Variants in SH3BGRL2 observed in about 807,000 individuals in gnomAD.
SH3BGRL2 encodes SH3 domain binding glutamate rich protein like 2, also known as SH3 domain-binding glutamic acid-rich-like protein 2.
Under a neutral mutation model 14.8 loss-of-function variants are expected in SH3BGRL2, and 21 were observed. The ratio of observed to expected loss-of-function variants is 1.42; its 90% CI spans 1.01 to 2.05. SH3BGRL2 has a LOEUF of 2.05. Among genes scored for constraint, SH3BGRL2 ranks in the 30% most tolerant of loss-of-function variants. SH3BGRL2 has a pLI of 0.00. For synonymous variants in SH3BGRL2, 50 were observed against 47.8 expected (o/e 1.05, Z -0.19); for missense variants, 147 against 130.8 (o/e 1.12, Z -0.61).
At chr6:79,635,479 G>A (rs2127722350) in intron 1 of SH3BGRL2, among the ~76,000 whole-genome samples, 1 of 152,342 alleles carries the variant, frequency 6.6e-6, no homozygotes, top group South Asian at 2.1e-4. Flanking sequence ...CCCAGGTTCT[G>A]TATTAGGTGA....
chr6:79,676,605 A>ATG (rs58234438), intron 2 of SH3BGRL2, among the ~76,000 whole-genome samples: 3,548 of 139,668 alleles, frequency 0.025, 58 homozygotes, highest in African/African-American at 0.038. Flanking sequence ...GTCTTTATGT[A>ATG]TGTGTGTGTG....
At chr6:79,624,215 C>CT in the SH3BGRL2 span, among the ~76,000 whole-genome samples, 1 of 151,248 alleles carries the variant, frequency 6.6e-6, no homozygotes, top group South Asian at 2.1e-4. Flanking sequence ...GTGTTGTCAT[C>CT]TCCTGACCTG....
chr6:79,573,934 G>A, the SH3BGRL2 span: 1 of 151,956 alleles, frequency 6.6e-6, no homozygotes, highest in East Asian at 1.9e-4. Flanking sequence ...TTTTATTTGT[G>A]TATTTCCTCT....
At chr6:79,631,714 A>G (rs1768829864) in intron 1 of SH3BGRL2, among the ~76,000 whole-genome samples, 1 of 152,158 alleles carries the variant, frequency 6.6e-6, no homozygotes, top group South Asian at 2.1e-4. Flanking sequence ...CCAAATGCCC[A>G]CCCTGCGTGG....
At chr6:79,591,117 T>G in the SH3BGRL2 span, among the ~76,000 whole-genome samples, 1 of 152,174 alleles carries the variant, frequency 6.6e-6, no homozygotes, top group African/African-American at 2.4e-5. Context: ...ATTACAAAGA[T>G]AGTTCTATAT....
At chr6:79,589,286 C>T in the SH3BGRL2 span, among the ~76,000 whole-genome samples, 1 of 149,104 alleles carries the variant, frequency 6.7e-6, no homozygotes, top group African/African-American at 2.5e-5. Context: ...TAATTGATTC[C>T]AAAACAGAAA....
intron 1 of SH3BGRL2, among the ~76,000 whole-genome samples, chr6:79,667,192 A>G (rs1769677895): frequency 2.6e-5 from 4 of 152,248 alleles, no homozygotes. Context: ...ATAGTCACAA[A>G]GAATTTATGT....
chr6:79,576,774 T>C, the SH3BGRL2 span, among the ~76,000 whole-genome samples: 1 of 152,202 alleles, frequency 6.6e-6, no homozygotes, highest in Non-Finnish European at 1.5e-5. Context: ...AAATGTTTCT[T>C]TGATGCCCCT....
At chr6:79,637,941 A>C (rs140753711) in intron 1 of SH3BGRL2, among the ~76,000 whole-genome samples, 1 of 152,228 alleles carries the variant, frequency 6.6e-6, no homozygotes, top group South Asian at 2.1e-4. Context: ...TTTACCCATT[A>C]TAAGTAGCAT....
At chr6:79,547,881 T>C in the SH3BGRL2 span, among the ~76,000 whole-genome samples, 1 of 152,168 alleles carries the variant, frequency 6.6e-6, no homozygotes, top group Non-Finnish European at 1.5e-5. Flanking sequence ...ATTACTATTT[T>C]TTGAGACAGA....
At chr6:79,569,255 A>T in the SH3BGRL2 span, among the ~76,000 whole-genome samples, 1 of 152,202 alleles carries the variant, frequency 6.6e-6, no homozygotes, top group Non-Finnish European at 1.5e-5. Context: ...TGGAATGAAT[A>T]GAAGGGAGTG....
chr6:79,694,708 GA>G (rs892520182), intron 2 of SH3BGRL2, among the ~76,000 whole-genome samples: 1 of 152,034 alleles, frequency 6.6e-6, no homozygotes, highest in African/African-American at 2.4e-5. Context: ...CATCAAGCCA[GA>G]AAGTTCAGAG....
intron 2 of SH3BGRL2, among the ~76,000 whole-genome samples, chr6:79,674,608 A>C: frequency 6.6e-6 from 1 of 152,222 alleles, no homozygotes; most frequent in East Asian, 1.9e-4. Context: ...GAGATTAAAT[A>C]AATAGCTAGG....
chr6:79,651,850 G>T (rs1025690492), intron 1 of SH3BGRL2, among the ~76,000 whole-genome samples: 1 of 152,170 alleles, frequency 6.6e-6, no homozygotes, highest in African/African-American at 2.4e-5. Context: ...GAGGGCAGTG[G>T]TTAGATAAAT....
At chr6:79,674,391 A>G (rs1176517846) in intron 2 of SH3BGRL2, among the ~76,000 whole-genome samples, 1 of 152,170 alleles carries the variant, frequency 6.6e-6, no homozygotes, top group Admixed American at 6.5e-5. Flanking sequence ...AGCATACGAG[A>G]AGATGAAAAA....
intron 2 of SH3BGRL2, among the ~76,000 whole-genome samples, chr6:79,689,377 A>T (rs180954088): frequency 4.6e-5 from 7 of 152,184 alleles, no homozygotes; most frequent in Non-Finnish European, 4.4e-5. Context: ...CTTAAGAGAA[A>T]TTTTTCTTTT....
At chr6:79,555,537 A>G in the SH3BGRL2 span, among the ~76,000 whole-genome samples, 1 of 152,192 alleles carries the variant, frequency 6.6e-6, no homozygotes, top group Non-Finnish European at 1.5e-5. Context: ...TTTGAGGCGG[A>G]GTCTCAATCT....
the SH3BGRL2 span, among the ~76,000 whole-genome samples, chr6:79,584,563 C>T: frequency 1.3e-5 from 2 of 152,066 alleles, no homozygotes. Context: ...GAAAATGACC[C>T]CTTATTTTCT....
the SH3BGRL2 span, among the ~76,000 whole-genome samples, chr6:79,556,089 C>CGT: frequency 4.6e-5 from 7 of 151,980 alleles, no homozygotes; most frequent in East Asian, 1.4e-3. Flanking sequence ...AAATTCAAAA[C>CGT]AAAAAGGAAG....
Sources: allele counts gnomAD v4.1 joint callset (sites outside exome capture counted in the v4.1 genomes callset), GRCh38; gene constraint gnomAD v4.1.1; transcripts MANE v1.5; gene names NCBI Gene and HGNC (gene_info 2026-07-23, HGNC 2026-07-21).